CEP104: variants seen among roughly 807,000 people sequenced by gnomAD.
CEP104 encodes centrosomal protein 104, also known as centrosomal protein of 104 kDa.
In CEP104, 84 loss-of-function variants were observed where a neutral mutation model predicts 113.3. That is an observed-to-expected ratio of 0.74 (90% CI 0.62 to 0.89). CEP104 has a LOEUF of 0.89. Among genes scored for constraint, CEP104 ranks in the 40% least tolerant of loss-of-function variants. The pLI, the probability that CEP104 is intolerant of heterozygous loss-of-function variation, is 0.00. For synonymous variants in CEP104, 378 were observed against 421.7 expected (o/e 0.90, Z 1.27); for missense variants, 1,053 against 1,156.6 (o/e 0.91, Z 1.30).
chr1:3,828,854 G>C (rs1570789454), intron 15 of CEP104, among the ~76,000 whole-genome samples: 1 of 141,380 alleles, frequency 7.1e-6, no homozygotes, highest in Non-Finnish European at 1.6e-5. Flanking sequence ...CACAGGCTTA[G>C]AGTAAGGGCT....
At chr1:3,844,478 C>A (rs909809494) in intron 6 of CEP104, among the ~76,000 whole-genome samples, 4 of 151,904 alleles carry the variant, frequency 2.6e-5, no homozygotes, top group South Asian at 2.1e-4. Context: ...AGCCTGGCGA[C>A]AGAGCAAGAC....
In CEP104 at chr1:3,823,244, G is replaced by A. The variant is rs1442394418; in HGVS notation, c.2504-3C>T. On this transcript the variant is annotated splice_polypyrimidine_tract_variant and splice_region_variant and intron_variant, in intron 19 of 21. Coordinates refer to ENST00000378230, the MANE Select transcript of CEP104 (RefSeq NM_014704.4). This position sits in a 1 kb window ranked among gnomAD's most constrained non-coding sequence, Gnocchi z 4.1. ...TGCCAGCTTCTCCGGTTTGGCAGCT[G>A]AAATGATTTTAAAAAGACTCAGTCG... The A allele has an allele frequency of 6.2e-7, 1 of 1,614,172 alleles. No individual in the cohort carries two copies. Among genetic ancestry groups the A allele is most frequent in the Non-Finnish European group, 8.5e-7 (1 of 1,180,014 alleles).
At position 3,826,709 on chromosome 1, in the gene CEP104, C is replaced by T. The variant is rs1418229232; in HGVS notation, c.2187G>A (p.Gln729=). 2.5e-6 allele frequency: 4 copies of T among 1,614,024 alleles called. 1 individual carries two copies. Among genetic ancestry groups the T allele is most frequent in the African/African-American group, 2.7e-5 (2 of 74,912 alleles). ...KESDAVKPKN[Q]DIQGGKAAPA... Reference sequence around the variant, plus strand: ...TGTGCACCCCAATTCTTTACATACCCTGATTCTTTGGCTTCACAGCATCAC... The same window carrying T: ...TGTGCACCCCAATTCTTTACATACCTTGATTCTTTGGCTTCACAGCATCAC... Residue 729 remains glutamine (Q), a splice_region_variant and synonymous_variant, in exon 16 of 22, where the codon CAG becomes CAA. Coordinates refer to ENST00000378230, the MANE Select transcript of CEP104 (RefSeq NM_014704.4).
chr1:3,843,542 GGGTTT>G (rs1644452725), intron 6 of CEP104, among the ~76,000 whole-genome samples: 1 of 131,034 alleles, frequency 7.6e-6, no homozygotes. Flanking sequence ...AGTAGAGATG[GGGTTT>G]TGACATGTTC....
In CEP104 at chr1:3,813,599, C is replaced by G. The variant is rs1643829172; in HGVS notation, c.*1803G>C. On this transcript the variant is annotated 3_prime_UTR_variant, in exon 22 of 22. Coordinates refer to ENST00000378230, the MANE Select transcript of CEP104 (RefSeq NM_014704.4). ...GGCGTGGTGGCTCACGCCTGTAATCCCAGCACTTTGGGAGGCCAAGGTGGG... is the reference window on the plus strand; with the variant it reads ...GGCGTGGTGGCTCACGCCTGTAATCGCAGCACTTTGGGAGGCCAAGGTGGG... The G allele has an allele frequency of 6.7e-6, 1 of 150,336 alleles. No homozygotes were observed. The allele number at this position is 150,336 out of a possible 1,614,324, so 9.3% of individuals were successfully genotyped here.
At chr1:3,844,106 C>G (rs7534819) in intron 6 of CEP104, among the ~76,000 whole-genome samples, 47,209 of 152,040 alleles carry the variant, frequency 0.31, 8,725 homozygotes, top group African/African-American at 0.51. Context: ...TTTCACTCCT[C>G]TAAAGAATAA....
rs144429925 is a variant in CEP104, at chr1:3,847,968, G to A, written c.288-355C>T. Among the ~76,000 whole-genome samples, 782 of 152,134 alleles carry A rather than the reference G, an allele frequency of 5.1e-3. 10 individuals are homozygous for A. Among genetic ancestry groups the A allele is most frequent in the African/African-American group, 0.018 (761 of 41,522 alleles). On this transcript the variant is annotated intron_variant, in intron 3 of 21. Coordinates refer to ENST00000378230, the MANE Select transcript of CEP104 (RefSeq NM_014704.4). ...TTCTGCCTCAGCTTCCCAAGTAGCT[G>A]GGATTATAGACGCTCACCACCATGC...
intron 6 of CEP104, 107 bp downstream of exon 6, chr1:3,844,800 A>C (rs945655417): frequency 1.1e-6 from 1 of 884,734 alleles, no homozygotes; most frequent in Non-Finnish European, 1.8e-6. Flanking sequence ...ATCCAGCTCT[A>C]AACTGAATTT....
In CEP104 at chr1:3,813,224, ATAAACTT is replaced by A. The variant is rs1643822907; in HGVS notation, c.*2171_*2177del. 6.6e-6 allele frequency: 1 copy of A among 151,294 alleles called. No homozygotes were observed. Among genetic ancestry groups the A allele is most frequent in the Non-Finnish European group, 1.5e-5 (1 of 67,946 alleles). 9.4% of individuals were successfully genotyped at this position (151,294 alleles called of 1,614,324 possible). On this transcript the variant is annotated 3_prime_UTR_variant, in exon 22 of 22. Transcript: ENST00000378230. The stretch of plus-strand genomic sequence containing the variant: ...TGGCATCTATACTCTGTTTTGTCTA[ATAAACTT>A]TAAAGTTATTTCTCTCCTTATACTT...
intron 8 of CEP104, 29 bp downstream of exon 8, chr1:3,838,935 C>T: frequency 1.2e-6 from 2 of 1,612,594 alleles, no homozygotes; most frequent in Non-Finnish European, 1.7e-6. Context: ...CTAGGCTTTC[C>T]TCCACTCCGT....
intron 20 of CEP104, among the ~76,000 whole-genome samples, chr1:3,817,806 T>C (rs888573755): frequency 6.6e-6 from 1 of 152,242 alleles, no homozygotes; most frequent in African/African-American, 2.4e-5. Context: ...GGCAGACACG[T>C]GGCAGGGCAG....
At chr1:3,830,084 G>A in intron 13 of CEP104, 87 bp from the exon 14 acceptor site, 1 of 965,686 alleles carries the variant, frequency 1.0e-6, no homozygotes, top group Non-Finnish European at 1.6e-6. Flanking sequence ...ATAAACATGT[G>A]AAAAATAAAA....
chr1:3,830,047 TCTTCCAG>T, intron 13 of CEP104, 50 bp from the exon 14 acceptor site: 1 of 1,330,738 alleles, frequency 7.5e-7, no homozygotes, highest in Admixed American at 1.8e-5. Context: ...AAAACTAATT[TCTTCCAG>T]CTTACAAAAA....
At chr1:3,854,297 C>T (rs1014896523) in intron 1 of CEP104, among the ~76,000 whole-genome samples, 1 of 152,090 alleles carries the variant, frequency 6.6e-6, no homozygotes, top group African/African-American at 2.4e-5. Context: ...CAGCTCCAGT[C>T]ATCTCCATCC....
chr1:3,830,081 T>C, intron 13 of CEP104, 84 bp from the exon 14 acceptor site: 1 of 987,010 alleles, frequency 1.0e-6, no homozygotes, highest in Non-Finnish European at 1.6e-6. Flanking sequence ...ATTATAAACA[T>C]GTGAAAAATA....
At chr1:3,852,211 G>T in intron 2 of CEP104, 84 bp downstream of exon 2, 3 of 1,310,402 alleles carry the variant, frequency 2.3e-6, no homozygotes, top group African/African-American at 1.5e-5. Flanking sequence ...AAAATCTGAG[G>T]CTCTGAATGA....
chr1:3,840,745 A>G (rs904618109), intron 6 of CEP104, among the ~76,000 whole-genome samples: 4 of 151,962 alleles, frequency 2.6e-5, no homozygotes, highest in Non-Finnish European at 5.9e-5. Flanking sequence ...TCACCATGTT[A>G]GCCAGGTTGG....
Position 3,819,739 on chromosome 1 carries a change from G to A in CEP104, c.2572-3369C>T, listed in dbSNP as rs1643935037. Among the ~76,000 whole-genome samples the A allele has an allele frequency of 6.6e-6, 1 of 152,174 alleles. No individual in the cohort carries two copies. The highest frequency in any genetic ancestry group is 2.1e-4 in the South Asian group (1 of 4,828). ...AGCCTGCAGGCAGGAGAGAAGGGAGGGAACGCTGAAGAGAGAAAAAATATT... is the reference window on the plus strand; with the variant it reads ...AGCCTGCAGGCAGGAGAGAAGGGAGAGAACGCTGAAGAGAGAAAAAATATT... On this transcript the variant is annotated intron_variant, in intron 20 of 21. Transcript: ENST00000378230. This position sits in a 1 kb window ranked among gnomAD's most constrained non-coding sequence, Gnocchi z 4.6.
intron 12 of CEP104, chr1:3,833,596 T>A: frequency 2.9e-6 from 1 of 343,510 alleles, no homozygotes; most frequent in Middle Eastern, 8.0e-4. Flanking sequence ...TTGATATCAT[T>A]TTCTGTGTGT....
Sources: gnomAD v4.1 joint callset for allele counts (sites outside exome capture counted in the v4.1 genomes callset) on GRCh38, gnomAD v4.1.1 for gene constraint, Gnocchi (gnomAD v3.1) non-coding constraint, MANE v1.5 for transcripts, NCBI Gene and HGNC (gene_info 2026-07-23, HGNC 2026-07-21) for gene names.